The following SIL1 variants were observed in gnomAD, a reference collection of about 807,000 sequenced individuals.
The protein encoded by SIL1 is nucleotide exchange factor SIL1.
SIL1 carries 40 observed loss-of-function variants against 49.1 expected under a neutral mutation model. The ratio of observed to expected loss-of-function variants is 0.81; its 90% CI spans 0.63 to 1.06. The LOEUF (loss-of-function observed/expected upper bound fraction) is 1.06, where lower values mean the gene tolerates loss of function less well. Among genes scored for constraint, SIL1 ranks in the 50% least tolerant of loss-of-function variants. The pLI, the probability that SIL1 is intolerant of heterozygous loss-of-function variation, is 0.00. For synonymous variants in SIL1, 253 were observed against 250.8 expected (o/e 1.01, Z -0.08); for missense variants, 500 against 572.6 (o/e 0.87, Z 1.29).
intron 7 of SIL1, among the ~76,000 whole-genome samples, chr5:139,018,864 CTATTAT>C (rs997500959): frequency 9.2e-5 from 14 of 152,094 alleles, no homozygotes; most frequent in Non-Finnish European, 1.9e-4. Context: ...CAGAGAACAC[CTATTAT>C]TGTTCCCTGT....
chr5:139,169,337 G>A (rs557002366), intron 1 of SIL1, among the ~76,000 whole-genome samples: 4 of 152,186 alleles, frequency 2.6e-5, no homozygotes, highest in African/African-American at 9.6e-5. Flanking sequence ...CACAAACACT[G>A]GGAAAGGCAA....
At chr5:139,096,720 C>A (rs192452918) in intron 3 of SIL1, among the ~76,000 whole-genome samples, 2 of 151,948 alleles carry the variant, frequency 1.3e-5, no homozygotes, top group Non-Finnish European at 2.9e-5. Flanking sequence ...AGGGAACTTG[C>A]TGCCTTAAAG....
chr5:139,194,091 A>C (rs984828574), intron 1 of SIL1, among the ~76,000 whole-genome samples: 2 of 152,246 alleles, frequency 1.3e-5, no homozygotes, highest in Non-Finnish European at 2.9e-5. Flanking sequence ...GGATGAAGGC[A>C]AACATGGCCA....
intron 4 of SIL1, among the ~76,000 whole-genome samples, chr5:139,048,388 T>G (rs1051599441): frequency 6.9e-6 from 1 of 144,950 alleles, no homozygotes; most frequent in African/African-American, 2.6e-5. Flanking sequence ...TTTTTTTTTT[T>G]TTTTTGAGAC....
At chr5:138,992,939 A>G (rs929898716) in intron 7 of SIL1, among the ~76,000 whole-genome samples, 2 of 152,238 alleles carry the variant, frequency 1.3e-5, no homozygotes, top group Admixed American at 6.5e-5. Context: ...TTCCAGAGCC[A>G]AGAGAAAAGA....
chr5:139,168,491 T>C (rs935854257), intron 1 of SIL1, among the ~76,000 whole-genome samples: 10 of 152,206 alleles, frequency 6.6e-5, no homozygotes, highest in Non-Finnish European at 1.2e-4. Context: ...CTGTGCTGAT[T>C]CTGATTGCTG....
intron 3 of SIL1, among the ~76,000 whole-genome samples, chr5:139,051,922 G>C (rs1244776385): frequency 6.6e-6 from 1 of 152,224 alleles, no homozygotes; most frequent in Non-Finnish European, 1.5e-5. Flanking sequence ...TGTAGGGATG[G>C]AGAATTTCAG....
intron 3 of SIL1, among the ~76,000 whole-genome samples, chr5:139,055,165 C>G (rs4574538): frequency 0.42 from 63,530 of 151,950 alleles, 14,072 homozygotes; most frequent in African/African-American, 0.58. Context: ...CCTCCAGCTC[C>G]TTCAGAGCTG....
chr5:139,025,818 A>AT (rs1157260996), intron 6 of SIL1, among the ~76,000 whole-genome samples: 1 of 152,254 alleles, frequency 6.6e-6, no homozygotes, highest in East Asian at 1.9e-4. Flanking sequence ...GGTAGTAAAT[A>AT]TTTTTGACTT....
chr5:139,059,156 A>T (rs902191222), intron 3 of SIL1, among the ~76,000 whole-genome samples: 1 of 152,148 alleles, frequency 6.6e-6, no homozygotes, highest in African/African-American at 2.4e-5. Context: ...TCTCATCTTG[A>T]ATTGTAGCTC....
chr5:138,981,802 C>CTGCTCTCGCG (rs1335555280), intron 7 of SIL1, among the ~76,000 whole-genome samples: 1 of 152,170 alleles, frequency 6.6e-6, no homozygotes, highest in Admixed American at 6.5e-5. Flanking sequence ...ACGCTCACGC[C>CTGCTCTCGCG]TGCTCTCGCG....
intron 1 of SIL1, among the ~76,000 whole-genome samples, chr5:139,152,722 A>G (rs533610793): frequency 2.0e-5 from 3 of 152,218 alleles, no homozygotes; most frequent in African/African-American, 7.2e-5. Flanking sequence ...AAACCATTCA[A>G]TGGTTTTCCA....
chr5:138,980,180 A>G (rs541882758), intron 7 of SIL1, among the ~76,000 whole-genome samples: 2 of 152,352 alleles, frequency 1.3e-5, no homozygotes, highest in South Asian at 4.1e-4. Flanking sequence ...GTTGACAGAT[A>G]TTAGGGTTGT....
chr5:138,954,876 C>T (rs1262971200), intron 7 of SIL1, among the ~76,000 whole-genome samples: 3 of 152,202 alleles, frequency 2.0e-5, no homozygotes, highest in Non-Finnish European at 2.9e-5. Context: ...TAGGACTACC[C>T]ATGTAAAAGA....
At chr5:139,041,429 T>C (rs1267329040) in intron 5 of SIL1, among the ~76,000 whole-genome samples, 2 of 152,158 alleles carry the variant, frequency 1.3e-5, no homozygotes, top group African/African-American at 4.8e-5. Flanking sequence ...CTTCTTCCAG[T>C]AATACACAAG....
intron 3 of SIL1, among the ~76,000 whole-genome samples, chr5:139,110,525 C>T (rs1253119346): frequency 6.6e-6 from 1 of 152,152 alleles, no homozygotes; most frequent in Non-Finnish European, 1.5e-5. Context: ...CCCAAATCCA[C>T]ATATTATGGG....
Position 139,169,845 on chromosome 5 carries a change from CCCACGGTCTCCCTCTCCCTCTTT to C in SIL1, c.-11+28401_-11+28423del, listed in dbSNP as rs1327892689. Among the ~76,000 whole-genome samples, 447 of 84,192 alleles carry C rather than the reference CCCACGGTCTCCCTCTCCCTCTTT, an allele frequency of 5.3e-3. 1 individual carries two copies. Among genetic ancestry groups the C allele is most frequent in the South Asian group, 0.011 (21 of 1,926 alleles). The allele number at this position is 84,192 out of a possible 152,430, so 55.2% of individuals were successfully genotyped here. A position where few individuals can be genotyped will look rare whatever the true frequency, so the allele number is the denominator to read the frequency against. On this transcript the variant is annotated intron_variant, in intron 1 of 9. Transcript: ENST00000394817. ...CTCTCCCCTCTCCCCTCTCCCTCTCCCCACGGTCTCCCTCTCCCTCTTTCCACGGTCTCCCTCTCCCTCTCTCT... is the reference window on the plus strand; with the variant it reads ...CTCTCCCCTCTCCCCTCTCCCTCTCCCCACGGTCTCCCTCTCCCTCTCTCT...
chr5:138,994,057 T>C lies in SIL1; in HGVS notation c.767+27114A>G, dbSNP rs547615864. On this transcript the variant is annotated intron_variant, in intron 7 of 9. Transcript: ENST00000394817. ...TAAATTCATCAACCTATGGAAGATA[T>C]CATATTTAGTGGTAAAATATTAGAA... 4.4e-4 allele frequency among the ~76,000 whole-genome samples: 67 copies of C among 152,258 alleles called. No homozygotes were observed. In the South Asian group the frequency reaches 0.012, roughly 27 times the overall value.
intron 7 of SIL1, among the ~76,000 whole-genome samples, chr5:138,995,877 T>C (rs1481856341): frequency 6.6e-6 from 1 of 152,250 alleles, no homozygotes; most frequent in East Asian, 1.9e-4. Flanking sequence ...TCCATGTTGC[T>C]GCATATTAAA....
Sources: allele counts gnomAD v4.1 joint callset (sites outside exome capture counted in the v4.1 genomes callset), GRCh38; gene constraint gnomAD v4.1.1; transcripts MANE v1.5; gene names NCBI Gene and HGNC (gene_info 2026-07-23, HGNC 2026-07-21).